The following PFKM variants were observed in gnomAD, a reference collection of about 807,000 sequenced individuals.
PFKM encodes ATP-dependent 6-phosphofructokinase, muscle type.
PFKM carries 58 observed loss-of-function variants against 95.5 expected under a neutral mutation model. The observed-to-expected ratio is 0.61, with a 90% CI of 0.49 to 0.76. The LOEUF (loss-of-function observed/expected upper bound fraction) is 0.76. Among genes scored for constraint, PFKM ranks in the 30% least tolerant of loss-of-function variants. PFKM has a pLI of 0.00. For missense variants in PFKM, 678 were observed against 1,005.4 expected (o/e 0.67, Z 4.40); for synonymous variants, 336 against 357.2 (o/e 0.94, Z 0.67).
intron 1 of PFKM, 109 bp downstream of exon 1, chr12:48,119,515 G>A: frequency 3.4e-6 from 2 of 585,174 alleles, no homozygotes; most frequent in Non-Finnish European, 4.3e-6. Flanking sequence ...GAAAGGAAAA[G>A]AAGAGATACG....
intron 2 of PFKM, 105 bp from the exon 3 acceptor site, chr12:48,130,258 T>C: frequency 1.2e-6 from 1 of 811,286 alleles, no homozygotes; most frequent in East Asian, 2.4e-5. Flanking sequence ...AAAGACTAAA[T>C]AAAGTACTGA....
intron 10 of PFKM, among the ~76,000 whole-genome samples, chr12:48,137,126 A>G (rs1170228677): frequency 2.0e-5 from 3 of 148,822 alleles, no homozygotes; most frequent in East Asian, 2.0e-4. Flanking sequence ...CAGTGGTGCA[A>G]TCTCGGCTCA....
At chr12:48,107,993 A>G in intron 2 of PFKM, 1 of 1,460,494 alleles carries the variant, frequency 6.8e-7, no homozygotes, top group South Asian at 1.2e-5. Flanking sequence ...TCAGAGTCAT[A>G]GGGAAAATGA....
chr12:48,126,801 G>A (rs986306552), intron 2 of PFKM, among the ~76,000 whole-genome samples: 11 of 152,162 alleles, frequency 7.2e-5, no homozygotes, highest in Non-Finnish European at 1.6e-4. Context: ...TGAAAGACTG[G>A]AAAACAAACT....
chr12:48,131,611 C>T (rs1231226789), intron 4 of PFKM: 9 of 594,504 alleles, frequency 1.5e-5, no homozygotes, highest in Non-Finnish European at 2.7e-5. Flanking sequence ...TCACAGGATG[C>T]TTTGCTCTTT....
At chr12:48,143,926 G>C in intron 19 of PFKM, 112 bp downstream of exon 19, 1 of 1,085,088 alleles carries the variant, frequency 9.2e-7, no homozygotes, top group Non-Finnish European at 1.4e-6. Flanking sequence ...ATAAAGGGAG[G>C]GGGCCAGCCT....
At chr12:48,125,253 G>C (rs1015838527) in intron 2 of PFKM, 2 of 427,538 alleles carry the variant, frequency 4.7e-6, no homozygotes, top group Non-Finnish European at 9.3e-6. Flanking sequence ...TCAGTCATCT[G>C]CTCTGGCCCT....
At chr12:48,139,677 C>G (rs1950411474) in intron 12 of PFKM, among the ~76,000 whole-genome samples, 172 bp from the exon 13 acceptor site, 1 of 152,210 alleles carries the variant, frequency 6.6e-6, no homozygotes, top group East Asian at 1.9e-4. Context: ...GTTTGATGAA[C>G]TAGTGGCCCT....
chr12:48,112,765 G>T (rs532020051), intron 3 of PFKM, among the ~76,000 whole-genome samples: 149 of 152,300 alleles, frequency 9.8e-4, no homozygotes, highest in South Asian at 9.1e-3. Flanking sequence ...CTGGTTTTTG[G>T]ATAGGTAAAA....
chr12:48,125,194 C>T, intron 2 of PFKM: 1 of 338,996 alleles, frequency 2.9e-6, no homozygotes, highest in South Asian at 2.2e-5. Flanking sequence ...AACTATGCTA[C>T]CTTTAGCCTT....
intron 10 of PFKM, among the ~76,000 whole-genome samples, chr12:48,135,657 A>G (rs977227393): frequency 1.3e-5 from 2 of 152,116 alleles, no homozygotes; most frequent in Non-Finnish European, 2.9e-5. Context: ...GAATTTTGAG[A>G]TAATTGTAGA....
At chr12:48,116,769 G>T (rs1947717983), upstream of PFKM, among the ~76,000 whole-genome samples, 1 of 152,220 alleles carries the variant, frequency 6.6e-6, no homozygotes, top group Admixed American at 6.5e-5. Context: ...GTGAGCCATT[G>T]TGCCTGGCCA....
At chr12:48,108,043 G>T (rs1433431210) in intron 2 of PFKM, 4 of 1,598,330 alleles carry the variant, frequency 2.5e-6, no homozygotes, top group Non-Finnish European at 3.4e-6. Flanking sequence ...ATCCCACCTT[G>T]AGGGTGACCT....
intron 3 of PFKM, among the ~76,000 whole-genome samples, chr12:48,112,071 G>A (rs890790351): frequency 3.9e-5 from 6 of 152,128 alleles, no homozygotes; most frequent in African/African-American, 1.2e-4. Flanking sequence ...GCTACAGGGC[G>A]CGGTCCTGGC....
At chr12:48,113,702 A>G (rs1206410169) in intron 3 of PFKM, among the ~76,000 whole-genome samples, 1 of 152,216 alleles carries the variant, frequency 6.6e-6, no homozygotes, top group Non-Finnish European at 1.5e-5. Context: ...CTCACAGTGG[A>G]GGCAAGTAAT....
At chr12:48,117,496 G>T (rs1947774784), upstream of PFKM, among the ~76,000 whole-genome samples, 2 of 152,248 alleles carry the variant, frequency 1.3e-5, no homozygotes, top group East Asian at 3.9e-4. Flanking sequence ...ATTAGCATTT[G>T]GATTTTTGAA....
At position 48,126,514 on chromosome 12, in the gene PFKM, T is replaced by A. The variant is rs920387599; in HGVS notation, c.85+3655T>A. Among the ~76,000 whole-genome samples the A allele has an allele frequency of 3.9e-5, 6 of 152,102 alleles. No homozygotes were observed. The East Asian group carries it at 9.6e-4, about 24-fold the overall frequency. On this transcript the variant is annotated intron_variant, in intron 2 of 22. Transcript: ENST00000359794. The stretch of plus-strand genomic sequence containing the variant: ...GAAGAGAATTTCCTTATTGTGAGAT[T>A]TTTTTTGTATGCCCAACAGATTTGG...
chr12:48,109,395 G>A (rs774799959), intron 3 of PFKM, among the ~76,000 whole-genome samples: 1 of 124,122 alleles, frequency 8.1e-6, no homozygotes, highest in African/African-American at 3.1e-5. Flanking sequence ...TCTTCCTTTT[G>A]CAACTGTTTG....
intron 11 of PFKM, among the ~76,000 whole-genome samples, chr12:48,138,747 C>G (rs1015630319): frequency 6.6e-6 from 1 of 152,160 alleles, no homozygotes; most frequent in African/African-American, 2.4e-5. Flanking sequence ...TCCACTCTGC[C>G]CATACTTCTA....
Sources: gnomAD v4.1 joint callset for allele counts (sites outside exome capture counted in the v4.1 genomes callset) on GRCh38, gnomAD v4.1.1 for gene constraint, MANE v1.5 for transcripts, NCBI Gene and HGNC (gene_info 2026-07-23, HGNC 2026-07-21) for gene names.